The following CFAP20DC variants were observed in gnomAD, a reference collection of about 807,000 sequenced individuals.
CFAP20DC encodes the protein protein CFAP20DC.
CFAP20DC carries 84 observed loss-of-function variants against 101.7 expected under a neutral mutation model. The observed-to-expected ratio is 0.83, with a 90% CI of 0.69 to 0.99. CFAP20DC has a LOEUF of 0.99. CFAP20DC is among the 50% of genes least tolerant of loss of function. The pLI, the probability that CFAP20DC is intolerant of heterozygous loss-of-function variation, is 0.00. For synonymous variants in CFAP20DC, 359 were observed against 351.2 expected (o/e 1.02, Z -0.25); for missense variants, 1,007 against 970.3 (o/e 1.04, Z -0.50).
chr3:58,747,451 A>G (rs1575538630), intron 16 of CFAP20DC, among the ~76,000 whole-genome samples: 1 of 152,208 alleles, frequency 6.6e-6, no homozygotes, highest in Admixed American at 6.5e-5. Flanking sequence ...TACACACCCA[A>G]GATGTCTCTT....
rs2079210291 is a variant in CFAP20DC at position 58,861,091 on chromosome 3, T to A, written c.1593+2467A>T. On this transcript the variant is annotated intron_variant, in intron 12 of 16. Transcript: ENST00000482387. The surrounding 1 kb of genome is among the most constrained non-coding windows in gnomAD (Gnocchi z 4.0). ...AGCAACTTCAATTACAATGACAATG[T>A]ATTGCTGAAAGCTAATTTTAATTAG... 1 of 152,636 alleles carries A rather than the reference T, an allele frequency of 6.6e-6. No homozygotes were observed. Among genetic ancestry groups the A allele is most frequent in the African/African-American group, 2.4e-5 (1 of 41,474 alleles). 9.5% of individuals were successfully genotyped at this position (152,636 alleles called of 1,614,324 possible). A position where few individuals can be genotyped will look rare whatever the true frequency, so the allele number is the denominator to read the frequency against.
chr3:58,849,248 G>C lies in CFAP20DC; in HGVS notation c.1755C>G (p.Ser585=). 1 of 1,536,054 alleles carries C rather than the reference G, an allele frequency of 6.5e-7. No individual in the cohort carries two copies. The highest frequency in any genetic ancestry group is 8.7e-7 in the Non-Finnish European group (1 of 1,146,904). The change falls in exon 13 of 17, where the codon TCC becomes TCG. Residue 585 remains serine (S), a synonymous_variant. Coordinates refer to ENST00000482387, the MANE Select transcript of CFAP20DC (RefSeq NM_001394063.1). ...TEAGATESQD[S]SMEQIDRNNF... Reference sequence around the variant, plus strand: ...TATTTCTATCTATTTGCTCCATCGAGGAATCCTGGCTTTCTGTTGCTCCTG... The same window carrying C: ...TATTTCTATCTATTTGCTCCATCGACGAATCCTGGCTTTCTGTTGCTCCTG...
intron 4 of CFAP20DC, among the ~76,000 whole-genome samples, chr3:59,008,622 A>G (rs745956710): frequency 5.3e-5 from 8 of 151,984 alleles, no homozygotes; most frequent in Non-Finnish European, 1.0e-4. Flanking sequence ...AAAAAACCAA[A>G]CACAGCATGT....
intron 4 of CFAP20DC, among the ~76,000 whole-genome samples, chr3:58,941,752 T>C (rs1233551589): frequency 6.6e-6 from 1 of 152,048 alleles, no homozygotes; most frequent in East Asian, 1.9e-4. Flanking sequence ...GTATTTTTAG[T>C]AGCGATGGGG....
At chr3:58,810,381 A>T (rs546513596) in intron 14 of CFAP20DC, among the ~76,000 whole-genome samples, 91 of 152,330 alleles carry the variant, frequency 6.0e-4, no homozygotes, top group African/African-American at 2.0e-3. Flanking sequence ...CATCCCTGGG[A>T]TGCAAGGCTG....
intron 14 of CFAP20DC, among the ~76,000 whole-genome samples, chr3:58,817,846 A>G (rs1255818067): frequency 6.6e-6 from 1 of 151,916 alleles, no homozygotes; most frequent in Non-Finnish European, 1.5e-5. Flanking sequence ...TGTCAGATTC[A>G]CCAAAGTTGA....
At chr3:58,921,369 A>G (rs1559825888) in intron 5 of CFAP20DC, among the ~76,000 whole-genome samples, 2 of 152,088 alleles carry the variant, frequency 1.3e-5, no homozygotes, top group Non-Finnish European at 2.9e-5. Flanking sequence ...TGTAATCATT[A>G]AAAGCTATAA....
intron 5 of CFAP20DC, among the ~76,000 whole-genome samples, chr3:58,923,075 T>G (rs914968620): frequency 6.6e-6 from 1 of 151,988 alleles, no homozygotes; most frequent in African/African-American, 2.4e-5. Context: ...CCTGGCTAAT[T>G]TTTATATTTT....
At chr3:58,945,434 C>T (rs1462347212) in intron 4 of CFAP20DC, among the ~76,000 whole-genome samples, 1 of 152,134 alleles carries the variant, frequency 6.6e-6, no homozygotes, top group African/African-American at 2.4e-5. Flanking sequence ...TTCTTTCCAT[C>T]CACAAATCCT....
In CFAP20DC at chr3:58,869,263, T is replaced by G. The variant is rs1294622469; in HGVS notation, c.1015+65A>C. 1.5e-6 allele frequency: 2 copies of G among 1,320,468 alleles called. No homozygotes were observed. The highest frequency in any genetic ancestry group is 2.9e-5 in the African/African-American group (2 of 67,976). The allele number at this position is 1,320,468 out of a possible 1,614,324, so 81.8% of individuals were successfully genotyped here. A position where few individuals can be genotyped will look rare whatever the true frequency, so the allele number is the denominator to read the frequency against. ...AGACTTGAATATAACTGCTGATTTA[T>G]CTTAACAAGAACATTTCTCACTATT... is the stretch of plus-strand genomic sequence containing the variant. On this transcript the variant is annotated intron_variant, in intron 9 of 16. Coordinates refer to ENST00000482387, the MANE Select transcript of CFAP20DC (RefSeq NM_001394063.1). This position sits in a 1 kb window ranked among gnomAD's most constrained non-coding sequence, Gnocchi z 4.3.
intron 3 of CFAP20DC, among the ~76,000 whole-genome samples, chr3:59,044,042 C>A (rs946846381): frequency 1.3e-5 from 2 of 152,000 alleles, no homozygotes; most frequent in Non-Finnish European, 2.9e-5. Flanking sequence ...TGTTTGAGAT[C>A]CTCAAATACA....
At chr3:59,037,115 T>C (rs2094118457) in intron 4 of CFAP20DC, among the ~76,000 whole-genome samples, 1 of 152,172 alleles carries the variant, frequency 6.6e-6, no homozygotes, top group Admixed American at 6.5e-5. Context: ...CCTTACACCT[T>C]ATACAAAAAT....
intron 4 of CFAP20DC, among the ~76,000 whole-genome samples, chr3:58,979,425 T>A (rs1202354757): frequency 6.6e-6 from 1 of 152,244 alleles, no homozygotes; most frequent in Non-Finnish European, 1.5e-5. Context: ...TGTTAGCTGT[T>A]ACTAAGTTTT....
chr3:58,806,104 T>A (rs559351939), intron 15 of CFAP20DC, among the ~76,000 whole-genome samples: 2 of 152,366 alleles, frequency 1.3e-5, no homozygotes, highest in South Asian at 2.1e-4. Context: ...TAAGAATTTT[T>A]CATTTGAATC....
chr3:58,870,292 C>T lies in CFAP20DC; in HGVS notation c.733G>A (p.Gly245Arg). 1 of 1,613,914 alleles carries T rather than the reference C, an allele frequency of 6.2e-7. No individual in the cohort carries two copies. Among genetic ancestry groups the T allele is most frequent in the Non-Finnish European group, 8.5e-7 (1 of 1,179,830 alleles). The change falls in exon 8 of 17, where the codon GGA becomes AGA. Residue 245 changes from glycine (G) to arginine (R), a missense_variant. Gly to Arg is a moderately radical substitution (Grantham distance 125). Transcript: ENST00000482387. ...SAESDQFINR[G>R]TSITRNSKNQ... Reference sequence around the variant, plus strand: ...TTACTGTTCCGTGTAATACTTGTTCCTCTGTTAATGAACTGATCTGTTTTG... The same window carrying T: ...TTACTGTTCCGTGTAATACTTGTTCTTCTGTTAATGAACTGATCTGTTTTG...
intron 14 of CFAP20DC, among the ~76,000 whole-genome samples, chr3:58,809,522 A>G (rs1200875047): frequency 6.6e-6 from 1 of 152,092 alleles, no homozygotes; most frequent in African/African-American, 2.4e-5. Context: ...AAGACATAAC[A>G]TACCAGAATC....
At chr3:58,731,694 C>CA (rs1468472522) in intron 3 of CFAP20DC, among the ~76,000 whole-genome samples, 2 of 152,150 alleles carry the variant, frequency 1.3e-5, no homozygotes, top group African/African-American at 4.8e-5. Context: ...GGTAAATTCT[C>CA]AAGGGCTTTT....
At chr3:58,993,509 C>A (rs1000894212) in intron 4 of CFAP20DC, among the ~76,000 whole-genome samples, 3 of 151,872 alleles carry the variant, frequency 2.0e-5, no homozygotes, top group Non-Finnish European at 4.4e-5. Context: ...TGGTGGTTTG[C>A]TGCACAGAAC....
At chr3:58,865,285 C>A (rs552106741) in intron 11 of CFAP20DC, among the ~76,000 whole-genome samples, 5 of 152,042 alleles carry the variant, frequency 3.3e-5, no homozygotes, top group African/African-American at 9.6e-5. Flanking sequence ...GCAAAAGAAC[C>A]CATAAAAATC....
Sources: gnomAD v4.1 joint callset for allele counts (sites outside exome capture counted in the v4.1 genomes callset) on GRCh38, gnomAD v4.1.1 for gene constraint, Gnocchi (gnomAD v3.1) non-coding constraint, MANE v1.5 for transcripts, NCBI Gene and HGNC (gene_info 2026-07-23, HGNC 2026-07-21) for gene names.